THSD7A: variants seen among roughly 807,000 people sequenced by gnomAD.
The protein encoded by THSD7A is thrombospondin type-1 domain-containing protein 7A.
In THSD7A, 96 loss-of-function variants were observed where a neutral mutation model predicts 231.3. The observed-to-expected ratio is 0.41, with a 90% CI of 0.35 to 0.49. THSD7A has a LOEUF of 0.49. Ranked by LOEUF, THSD7A falls within the 20% of genes least tolerant of loss-of-function variation. The pLI, the probability that THSD7A is intolerant of heterozygous loss-of-function variation, is 0.05. For missense variants in THSD7A, 2,290 were observed against 2,070.2 expected (o/e 1.11, Z -2.06); for synonymous variants, 940 against 743.3 (o/e 1.26, Z -4.30).
chr7:11,372,087 A>G lies in THSD7A; in HGVS notation c.*3707T>C, dbSNP rs1782076600. On this transcript the variant is annotated 3_prime_UTR_variant, in exon 28 of 28. Coordinates refer to ENST00000423059, the MANE Select transcript of THSD7A (RefSeq NM_015204.3). ...GACGTGAATTTACCTTGAAATGCCC[A>G]GGAACTTAACAGGGGTCTGATTAAG... 6.6e-6 allele frequency: 1 copy of G among 152,070 alleles called. No individual in the cohort carries two copies. The highest frequency in any genetic ancestry group is 6.6e-5 in the Admixed American group (1 of 15,228). The allele number at this position is 152,070 out of a possible 1,614,324, so 9.4% of individuals were successfully genotyped here.
chr7:11,633,277 C>T (rs745609443), intron 2 of THSD7A, among the ~76,000 whole-genome samples: 114 of 152,196 alleles, frequency 7.5e-4, no homozygotes, highest in Non-Finnish European at 1.0e-3. Context: ...CTGGAAGTCA[C>T]TGGTTTACAG....
chr7:11,461,122 C>T (rs1028128299), intron 10 of THSD7A, among the ~76,000 whole-genome samples: 1 of 152,136 alleles, frequency 6.6e-6, no homozygotes, highest in Non-Finnish European at 1.5e-5. Flanking sequence ...AGTTATGAAA[C>T]TGTATTCAAG....
At chr7:11,787,710 G>C (rs1783834466) in intron 1 of THSD7A, among the ~76,000 whole-genome samples, 1 of 151,938 alleles carries the variant, frequency 6.6e-6, no homozygotes, top group South Asian at 2.1e-4. Context: ...AGATACCACT[G>C]GACACTGTTT....
chr7:11,547,326 T>G (rs1353253367), intron 4 of THSD7A, among the ~76,000 whole-genome samples: 6 of 152,130 alleles, frequency 3.9e-5, no homozygotes, highest in Non-Finnish European at 1.5e-5. Flanking sequence ...ATAAATAGGC[T>G]AAACACTCCA....
At chr7:11,476,417 C>T (rs1786185151) in intron 7 of THSD7A, among the ~76,000 whole-genome samples, 1 of 151,704 alleles carries the variant, frequency 6.6e-6, no homozygotes, top group Admixed American at 6.6e-5. Flanking sequence ...TTAACTATCA[C>T]CAGTTGCCAG....
chr7:11,526,230 C>T (rs1788468309), intron 6 of THSD7A, among the ~76,000 whole-genome samples: 2 of 152,168 alleles, frequency 1.3e-5, no homozygotes, highest in Non-Finnish European at 2.9e-5. Context: ...AGTAACATGC[C>T]CAACTATTTG....
intron 1 of THSD7A, among the ~76,000 whole-genome samples, chr7:11,830,412 G>A (rs1349814665): frequency 1.3e-5 from 2 of 152,168 alleles, no homozygotes; most frequent in African/African-American, 4.8e-5. Flanking sequence ...TTATGAATGT[G>A]CTTTTAACAA....
intron 1 of THSD7A, among the ~76,000 whole-genome samples, chr7:11,651,730 G>T (rs1782515192): frequency 6.6e-6 from 1 of 151,918 alleles, no homozygotes; most frequent in Non-Finnish European, 1.5e-5. Flanking sequence ...GCCAATTATA[G>T]ATCTGGTAGC....
intron 23 of THSD7A, among the ~76,000 whole-genome samples, chr7:11,399,862 A>G (rs1467665736): frequency 6.6e-6 from 1 of 152,164 alleles, no homozygotes; most frequent in Non-Finnish European, 1.5e-5. Context: ...ACATGCACAC[A>G]TACGTTTATT....
At chr7:11,467,811 T>C (rs1428943570) in intron 9 of THSD7A, among the ~76,000 whole-genome samples, 1 of 151,944 alleles carries the variant, frequency 6.6e-6, no homozygotes, top group Non-Finnish European at 1.5e-5. Context: ...AAATGTGTTT[T>C]CAAGAACTTA....
At chr7:11,624,008 C>T (rs930832017) in intron 2 of THSD7A, among the ~76,000 whole-genome samples, 1 of 152,132 alleles carries the variant, frequency 6.6e-6, no homozygotes, top group Non-Finnish European at 1.5e-5. Context: ...TATTTGCCAG[C>T]ACTATCCAAA....
rs935456770 is a variant in THSD7A at position 11,593,369 on chromosome 7, G to A, written c.1156C>T (p.Arg386Cys). 12 of 1,613,966 alleles carry A rather than the reference G, an allele frequency of 7.4e-6. No individual in the cohort carries two copies. Among genetic ancestry groups the A allele is most frequent in the Non-Finnish European group, 1.0e-5 (12 of 1,179,886 alleles). ...CHDMVSPAGT[R>C]VRTRTIRQFP... ...TGCCTGATGGTTCGTGTCCTTACAC[G>A]AGTGCCTGCAGGGGACACCATGTCA... The change falls in exon 3 of 28, where the codon CGT becomes TGT. Residue 386 changes from arginine to cysteine, a missense_variant. Transcript: ENST00000423059.
chr7:11,712,569 C>T (rs1252339527), intron 1 of THSD7A, among the ~76,000 whole-genome samples: 1 of 151,022 alleles, frequency 6.6e-6, no homozygotes, highest in Non-Finnish European at 1.5e-5. Context: ...TCAATAATAT[C>T]AGTAATAAGT....
intron 6 of THSD7A, among the ~76,000 whole-genome samples, chr7:11,533,385 A>G (rs1788784391): frequency 6.6e-6 from 1 of 152,204 alleles, no homozygotes; most frequent in Admixed American, 6.5e-5. Flanking sequence ...AGAGAACAAA[A>G]GTAGAGCCTA....
At chr7:11,572,421 A>G (rs1419397627) in intron 4 of THSD7A, among the ~76,000 whole-genome samples, 1 of 152,122 alleles carries the variant, frequency 6.6e-6, no homozygotes, top group Non-Finnish European at 1.5e-5. Flanking sequence ...TTGAATTTCC[A>G]CATCCTTATA....
chr7:11,505,936 G>C lies in THSD7A; in HGVS notation c.1823-23954C>G, dbSNP rs569937576. ...CTTGCGGGATGGGGAATCTAAGAGT[G>C]CTTTGCAAAGAGCACCTGTTTTTGA... On this transcript the variant is annotated intron_variant, in intron 6 of 27. Transcript: ENST00000423059. Among the ~76,000 whole-genome samples, 216 of 152,284 alleles carry C rather than the reference G, an allele frequency of 1.4e-3. 2 individuals are homozygous for C. The highest frequency in any genetic ancestry group is 5.1e-3 in the African/African-American group (210 of 41,574).
chr7:11,526,764 A>G (rs1316248157), intron 6 of THSD7A, among the ~76,000 whole-genome samples: 1 of 152,106 alleles, frequency 6.6e-6, no homozygotes, highest in Non-Finnish European at 1.5e-5. Context: ...TTCCACCATG[A>G]TTGTAAATTT....
intron 1 of THSD7A, among the ~76,000 whole-genome samples, chr7:11,689,929 G>A (rs951441369): frequency 2.0e-5 from 3 of 151,504 alleles, no homozygotes; most frequent in South Asian, 2.1e-4. Context: ...TTACTACAAG[G>A]CTGCCAAATT....
chr7:11,596,646 C>T (rs1007216912), intron 2 of THSD7A, among the ~76,000 whole-genome samples: 10 of 152,190 alleles, frequency 6.6e-5, no homozygotes, highest in African/African-American at 2.2e-4. Context: ...GTGCCACCAT[C>T]AAGGACCTGA....
Sources: gnomAD v4.1 joint callset for allele counts (sites outside exome capture counted in the v4.1 genomes callset) on GRCh38, gnomAD v4.1.1 for gene constraint, MANE v1.5 for transcripts, NCBI Gene and HGNC (gene_info 2026-07-23, HGNC 2026-07-21) for gene names.